Variants in MSN observed in about 807,000 individuals in gnomAD.
MSN encodes the protein moesin.
A neutral mutation model predicts 48.0 loss-of-function variants in MSN; 2 were observed. That is an observed-to-expected ratio of 0.04 (90% CI 0.02 to 0.13). The LOEUF is 0.13. MSN is among the 10% of genes least tolerant of loss of function. The probability of loss-of-function intolerance (pLI) is 1.00; values close to 1 mark genes in which losing one functional copy is unlikely to be tolerated. For missense variants in MSN, 267 were observed against 470.1 expected, an observed-to-expected ratio of 0.57 and a Z score of 3.99; for synonymous variants, 146 against 166.9, an observed-to-expected ratio of 0.87 and a Z score of 0.97.
intron 5 of MSN, among the ~76,000 whole-genome samples, chrX:65,731,413 A>G (rs1431093827): frequency 8.9e-6 from 1 of 112,138 alleles, no homozygotes; most frequent in Non-Finnish European, 1.9e-5. Context: ...AGTTTTGACT[A>G]TCAAGAAATG....
At chrX:65,618,351 T>G (rs1442045614) in intron 1 of MSN, among the ~76,000 whole-genome samples, 1 of 111,325 alleles carries the variant, frequency 9.0e-6, no homozygotes, top group Admixed American at 9.6e-5. Context: ...TAAGTCTCTT[T>G]GTAGGTCACT....
chrX:65,604,179 C>G (rs767513368), intron 1 of MSN, among the ~76,000 whole-genome samples: 3 of 111,982 alleles, frequency 2.7e-5, no homozygotes, highest in African/African-American at 9.7e-5. Context: ...CCAAGGCAGG[C>G]TGGTTTTAGA....
intron 1 of MSN, among the ~76,000 whole-genome samples, chrX:65,695,081 CGT>C (rs752844911): frequency 0.023 from 2,253 of 99,380 alleles, 35 homozygotes; most frequent in African/African-American, 0.048. Flanking sequence ...TGTGTGTCTG[CGT>C]GTGTGTGTGT....
intron 1 of MSN, among the ~76,000 whole-genome samples, chrX:65,607,491 G>C (rs761028593): frequency 9.0e-6 from 1 of 111,285 alleles, no homozygotes; most frequent in East Asian, 2.8e-4. Flanking sequence ...AGAGACACAG[G>C]GTCAGGGAAG....
intron 1 of MSN, among the ~76,000 whole-genome samples, chrX:65,601,561 G>C (rs1397524979): frequency 1.8e-5 from 2 of 112,810 alleles, no homozygotes; most frequent in African/African-American, 6.4e-5. Context: ...GGCTAGAAAG[G>C]CCACGGTGGC....
At chrX:65,716,692 G>A in intron 1 of MSN, 126 bp from the exon 2 acceptor site, 1 of 535,457 alleles carries the variant, frequency 1.9e-6, no homozygotes, top group Non-Finnish European at 3.2e-6. Context: ...ATCCCCATCA[G>A]TATCTAAGTT....
chrX:65,653,268 A>G (rs2070755247), intron 1 of MSN, among the ~76,000 whole-genome samples: 1 of 111,160 alleles, frequency 9.0e-6, no homozygotes, highest in South Asian at 3.8e-4. Flanking sequence ...TTGAAGGGGC[A>G]CTTCAAACCT....
intron 1 of MSN, chrX:65,588,759 A>G: frequency 2.7e-6 from 1 of 373,069 alleles, no homozygotes; most frequent in East Asian, 9.9e-5. Flanking sequence ...AATGTTGATC[A>G]GTGTAGGTGT....
At chrX:65,676,187 T>G (rs1206544861) in intron 1 of MSN, among the ~76,000 whole-genome samples, 2 of 111,780 alleles carry the variant, frequency 1.8e-5, no homozygotes, top group East Asian at 5.6e-4. Context: ...TATGACGTTT[T>G]CTGGCCAGGG....
chrX:65,601,921 A>G (rs1461866118), intron 1 of MSN, among the ~76,000 whole-genome samples: 2 of 112,011 alleles, frequency 1.8e-5, no homozygotes, highest in African/African-American at 6.5e-5. Flanking sequence ...TTCCCAGCCC[A>G]GAATGTCAGA....
chrX:65,588,808 CCT>C (rs2070119144), intron 1 of MSN: 1 of 157,617 alleles, frequency 6.3e-6, no homozygotes, highest in East Asian at 1.2e-4. Context: ...TTTCTGTGTT[CCT>C]CTTGCCCTCT....
intron 1 of MSN, among the ~76,000 whole-genome samples, chrX:65,637,405 GA>G (rs1206835966): frequency 0.026 from 1,176 of 45,198 alleles, 15 homozygotes; most frequent in African/African-American, 0.079. Flanking sequence ...TCCATCTTAA[GA>G]AAAAAAAAAA....
At chrX:65,692,093 G>GGGAGAGAAT (rs2071178596) in intron 1 of MSN, among the ~76,000 whole-genome samples, 1 of 112,473 alleles carries the variant, frequency 8.9e-6, no homozygotes, top group South Asian at 3.7e-4. Flanking sequence ...AACCTTTTCT[G>GGGAGAGAAT]AGGGAATAGG....
chrX:65,655,593 A>G (rs1286483305), intron 1 of MSN, among the ~76,000 whole-genome samples: 1 of 112,096 alleles, frequency 8.9e-6, no homozygotes, highest in African/African-American at 3.2e-5. Flanking sequence ...GTGACTATAC[A>G]AACCTTCTCC....
chrX:65,698,847 G>A (rs759717412), intron 1 of MSN, among the ~76,000 whole-genome samples: 97 of 112,025 alleles, frequency 8.7e-4, no homozygotes, highest in Non-Finnish European at 1.4e-3. Flanking sequence ...TCCTGAAATC[G>A]CAATGCTGAA....
At chrX:65,658,106 A>G (rs953497201) in intron 1 of MSN, among the ~76,000 whole-genome samples, 2 of 111,985 alleles carry the variant, frequency 1.8e-5, no homozygotes, top group African/African-American at 6.5e-5. Flanking sequence ...TTTCCTAAGA[A>G]GTAGCTACAA....
intron 1 of MSN, among the ~76,000 whole-genome samples, chrX:65,648,136 G>T (rs953035784): frequency 9.4e-6 from 1 of 105,985 alleles, no homozygotes; most frequent in Non-Finnish European, 1.9e-5. Flanking sequence ...TGGAGGGGGT[G>T]GGGGGGGCGT....
intron 1 of MSN, among the ~76,000 whole-genome samples, chrX:65,672,650 TAAG>T (rs2070953928): frequency 2.7e-5 from 3 of 111,767 alleles, no homozygotes; most frequent in Admixed American, 1.9e-4. Flanking sequence ...TCTTTCCATA[TAAG>T]AAGAACTTCT....
At chrX:65,686,759 T>A (rs755628803) in intron 1 of MSN, among the ~76,000 whole-genome samples, 1 of 112,038 alleles carries the variant, frequency 8.9e-6, no homozygotes, top group Non-Finnish European at 1.9e-5. Context: ...GGTGGGAAAC[T>A]TGGATAAGTT....
Sources: allele counts gnomAD v4.1 joint callset (sites outside exome capture counted in the v4.1 genomes callset), GRCh38; gene constraint gnomAD v4.1.1; transcripts MANE v1.5; gene names NCBI Gene and HGNC (gene_info 2026-07-23, HGNC 2026-07-21).